Variants in COL23A1 observed in about 807,000 individuals in gnomAD.
COL23A1 encodes the protein collagen type XXIII alpha 1 chain.
COL23A1 carries 97 observed loss-of-function variants against 99.3 expected under a neutral mutation model. The observed-to-expected ratio is 0.98, with a 90% CI of 0.83 to 1.16. COL23A1 has a LOEUF of 1.16. Among genes scored for constraint, COL23A1 ranks in the 50% most tolerant of loss-of-function variants. COL23A1 has a pLI of 0.00. For missense variants in COL23A1, 762 were observed against 757.4 expected (o/e 1.01, Z -0.07); for synonymous variants, 320 against 308.2 (o/e 1.04, Z -0.40).
chr5:178,239,284 C>T, intron 27 of COL23A1, 105 bp from the exon 28 acceptor site: 2 of 1,267,106 alleles, frequency 1.6e-6, no homozygotes, highest in Non-Finnish European at 2.3e-6. Flanking sequence ...CAGGGAGCGG[C>T]CATGTGAGAC....
chr5:178,573,750 T>C (rs1028973891), intron 1 of COL23A1, among the ~76,000 whole-genome samples: 39 of 152,238 alleles, frequency 2.6e-4, no homozygotes, highest in Non-Finnish European at 4.8e-4. Flanking sequence ...AATACTACTC[T>C]ATAATACAAA....
In COL23A1 at chr5:178,527,530, T is replaced by TGGATGGTGTGTCCCAAGC. The variant is rs1299748622; in HGVS notation, c.361+33134_361+33151dup. 9.9e-5 allele frequency among the ~76,000 whole-genome samples: 15 copies of TGGATGGTGTGTCCCAAGC among 152,266 alleles called. No homozygotes were observed. In the East Asian group the frequency reaches 2.3e-3, roughly 24 times the overall value. On this transcript the variant is annotated intron_variant, in intron 2 of 28. Transcript: ENST00000390654. ...ATTTCCAGGAAGCGGCTGGCCCGGG[T>TGGATGGTGTGTCCCAAGC]GGATGGTGTGTCCCAAGCTTGCCTG... is the stretch of plus-strand genomic sequence containing the variant.
In COL23A1 at chr5:178,274,431, G is replaced by A. The variant is rs575551081; in HGVS notation, c.442-4068C>T. On this transcript the variant is annotated intron_variant, in intron 5 of 28. Transcript: ENST00000390654. The stretch of plus-strand genomic sequence containing the variant: ...GGGGGGCGTGGTCAGGCTGGACAGA[G>A]GCATGGCAGGGCAAGTGTCCAAGTG... Among the ~76,000 whole-genome samples, 25 of 152,340 alleles carry A rather than the reference G, an allele frequency of 1.6e-4. No homozygotes were observed. The East Asian group carries it at 4.2e-3, about 26-fold the overall frequency.
intron 2 of COL23A1, among the ~76,000 whole-genome samples, chr5:178,539,906 T>C (rs1761197268): frequency 1.3e-5 from 2 of 152,172 alleles, no homozygotes; most frequent in African/African-American, 2.4e-5. Context: ...ATTAAAATAA[T>C]ATATCCCATC....
chr5:178,535,484 C>T (rs139651027), intron 2 of COL23A1, among the ~76,000 whole-genome samples: 42 of 152,370 alleles, frequency 2.8e-4, no homozygotes, highest in African/African-American at 9.6e-4. Flanking sequence ...CTCTGTATAC[C>T]GCATGCCAGG....
At chr5:178,335,694 A>C (rs187028449) in intron 2 of COL23A1, among the ~76,000 whole-genome samples, 1 of 152,212 alleles carries the variant, frequency 6.6e-6, no homozygotes, top group Non-Finnish European at 1.5e-5. Flanking sequence ...GCCTGCTTTC[A>C]GCATAGATGG....
Position 178,560,641 on chromosome 5 carries a change from G to T in COL23A1, c.361+41C>A, listed in dbSNP as rs372162526. The T allele has an allele frequency of 6.0e-5, 95 of 1,580,354 alleles. 1 individual carries two copies. Among genetic ancestry groups the T allele is most frequent in the Admixed American group, 2.2e-4 (12 of 55,576 alleles). On this transcript the variant is annotated intron_variant, in intron 2 of 28. Coordinates refer to ENST00000390654, the MANE Select transcript of COL23A1 (RefSeq NM_173465.4). ...TCTCAGCAATCCCAAGCAAACGGCG[G>T]CCGAACGCAGGAGCCAGAAGGGAGC...
chr5:178,239,270 A>C, intron 27 of COL23A1, 91 bp from the exon 28 acceptor site: 3 of 1,458,676 alleles, frequency 2.1e-6, no homozygotes, highest in Non-Finnish European at 1.9e-6. Context: ...AGGGAGGTGC[A>C]GGCCAGGGAG....
intron 2 of COL23A1, among the ~76,000 whole-genome samples, chr5:178,513,763 C>T (rs146459929): frequency 2.0e-5 from 3 of 152,220 alleles, no homozygotes; most frequent in Non-Finnish European, 4.4e-5. Flanking sequence ...GAGGCCACTG[C>T]TTAAGGCCCC....
In COL23A1 at chr5:178,238,131, C is replaced by A. The variant is rs968170342; in HGVS notation, c.*567G>T. 1 of 154,126 alleles carries A rather than the reference C, an allele frequency of 6.5e-6. No homozygotes were observed. Among genetic ancestry groups the A allele is most frequent in the Admixed American group, 6.5e-5 (1 of 15,482 alleles). The allele number at this position is 154,126 out of a possible 1,614,324, so 9.5% of individuals were successfully genotyped here. A position where few individuals can be genotyped will look rare whatever the true frequency, so the allele number is the denominator to read the frequency against. On this transcript the variant is annotated 3_prime_UTR_variant, in exon 29 of 29. Coordinates refer to ENST00000390654, the MANE Select transcript of COL23A1 (RefSeq NM_173465.4). ...GCCTCCTGAATGTGGTAGAGCTAGACCCTCGTGGGGGATTTCCACTCACTG... is the reference window on the plus strand; with the variant it reads ...GCCTCCTGAATGTGGTAGAGCTAGAACCTCGTGGGGGATTTCCACTCACTG...
At chr5:178,374,695 G>A (rs992313906) in intron 2 of COL23A1, among the ~76,000 whole-genome samples, 9 of 152,200 alleles carry the variant, frequency 5.9e-5, no homozygotes, top group African/African-American at 2.2e-4. Flanking sequence ...CTGCTAGGAT[G>A]GCTGCAATCA....
At chr5:178,342,074 CTG>C (rs968160847) in intron 2 of COL23A1, among the ~76,000 whole-genome samples, 1 of 152,216 alleles carries the variant, frequency 6.6e-6, no homozygotes, top group Non-Finnish European at 1.5e-5. Context: ...CCGCTGTTTG[CTG>C]TGTTATCATC....
At chr5:178,457,140 T>G (rs1767841665) in intron 2 of COL23A1, among the ~76,000 whole-genome samples, 1 of 152,200 alleles carries the variant, frequency 6.6e-6, no homozygotes, top group Admixed American at 6.5e-5. Context: ...CTATCTCACT[T>G]CAGTCTAAGA....
rs1765934010 is a variant in COL23A1, at chr5:178,426,344, T to TC, written c.362-119426dup. On this transcript the variant is annotated intron_variant, in intron 2 of 28. Coordinates refer to ENST00000390654, the MANE Select transcript of COL23A1 (RefSeq NM_173465.4). ...GCTCATCGCTTTTCGTCTTGCATTC[T>TC]CCCCTTCCTCATTAGATGACCCACG... Among the ~76,000 whole-genome samples, 5 of 152,310 alleles carry TC rather than the reference T, an allele frequency of 3.3e-5. No homozygotes were observed. In the South Asian group the frequency reaches 1.0e-3, roughly 32 times the overall value.
At chr5:178,243,610 G>C (rs1347289737) in intron 25 of COL23A1, among the ~76,000 whole-genome samples, 3 of 152,214 alleles carry the variant, frequency 2.0e-5, no homozygotes, top group Non-Finnish European at 4.4e-5. Flanking sequence ...TGACAGAGGT[G>C]TGAAATAGGG....
chr5:178,551,997 C>G (rs573402912), intron 2 of COL23A1, among the ~76,000 whole-genome samples: 1 of 152,298 alleles, frequency 6.6e-6, no homozygotes, highest in South Asian at 2.1e-4. Flanking sequence ...GGATGTCAGT[C>G]TCTCAGAATG....
chr5:178,283,863 A>G (rs886150950), intron 5 of COL23A1, among the ~76,000 whole-genome samples: 1 of 152,186 alleles, frequency 6.6e-6, no homozygotes, highest in Non-Finnish European at 1.5e-5. Flanking sequence ...GATGACATTG[A>G]GCTTCTAATT....
At chr5:178,296,652 G>A (rs528761653) in intron 3 of COL23A1, among the ~76,000 whole-genome samples, 13 of 151,894 alleles carry the variant, frequency 8.6e-5, no homozygotes, top group Admixed American at 7.2e-4. Flanking sequence ...TGAATCACCC[G>A]GCTGGTGAGG....
intron 6 of COL23A1, among the ~76,000 whole-genome samples, chr5:178,269,153 GAC>G (rs1756078233): frequency 6.6e-6 from 1 of 152,032 alleles, no homozygotes; most frequent in Admixed American, 6.5e-5. Context: ...GCAGGCAGTA[GAC>G]AGAGATTCTC....
Sources: gnomAD v4.1 joint callset for allele counts (sites outside exome capture counted in the v4.1 genomes callset) on GRCh38, gnomAD v4.1.1 for gene constraint, MANE v1.5 for transcripts, NCBI Gene and HGNC (gene_info 2026-07-23, HGNC 2026-07-21) for gene names.